The following NUDT12 variants were observed in gnomAD, a reference collection of about 807,000 sequenced individuals.
NUDT12 encodes NAD-capped RNA hydrolase NUDT12.
A neutral mutation model predicts 45.7 loss-of-function variants in NUDT12; 42 were observed. That is an observed-to-expected ratio of 0.92 (90% CI 0.72 to 1.19). The LOEUF is 1.19. Among genes scored for constraint, NUDT12 ranks in the 50% most tolerant of loss-of-function variants. NUDT12 has a pLI of 0.00. For missense variants in NUDT12, 590 were observed against 533.1 expected, an observed-to-expected ratio of 1.11 and a Z score of -1.05; for synonymous variants, 206 against 179.7, an observed-to-expected ratio of 1.15 and a Z score of -1.17.
chr5:103,552,174 C>A, intron 6 of NUDT12, 43 bp downstream of exon 6: 1 of 1,520,756 alleles, frequency 6.6e-7, no homozygotes, highest in South Asian at 1.1e-5. Context: ...CCAATACAGT[C>A]AGGGAACAAT....
intron 5 of NUDT12, chr5:103,554,382 G>C (rs756635106): frequency 6.4e-6 from 1 of 156,616 alleles, no homozygotes; most frequent in Non-Finnish European, 1.4e-5. Flanking sequence ...GGGTATGGGG[G>C]CTAACTAATG....
At chr5:103,556,190 G>T in intron 3 of NUDT12, 92 bp from the exon 4 acceptor site, 3 of 845,668 alleles carry the variant, frequency 3.5e-6, no homozygotes, top group Non-Finnish European at 4.9e-6. Flanking sequence ...AATAAGAATA[G>T]CTGTGTGATC....
chr5:103,556,136 T>A, intron 3 of NUDT12, 38 bp from the exon 4 acceptor site: 5 of 1,455,892 alleles, frequency 3.4e-6, no homozygotes, highest in Non-Finnish European at 4.6e-6. Context: ...TTTAATTCTG[T>A]AAGAAATTAA....
chr5:103,558,387 G>A (rs1562619807), intron 3 of NUDT12, among the ~76,000 whole-genome samples: 1 of 151,990 alleles, frequency 6.6e-6, no homozygotes, highest in African/African-American at 2.4e-5. Context: ...CTCTTAACAA[G>A]ACTCCCAACT....
At chr5:103,558,375 C>T (rs1748902429) in intron 3 of NUDT12, among the ~76,000 whole-genome samples, 1 of 152,048 alleles carries the variant, frequency 6.6e-6, no homozygotes, top group African/African-American at 2.4e-5. Context: ...ATACTCAATT[C>T]CCTCTTAACA....
At chr5:103,559,869 A>G in intron 2 of NUDT12, 174 bp downstream of exon 2, 1 of 560,078 alleles carries the variant, frequency 1.8e-6, no homozygotes, top group Non-Finnish European at 3.1e-6. Flanking sequence ...TCAATGAAAA[A>G]GGTTACAAAG....
chr5:103,552,761 C>T (rs536082059), intron 5 of NUDT12, among the ~76,000 whole-genome samples: 14 of 152,100 alleles, frequency 9.2e-5, no homozygotes, highest in African/African-American at 2.2e-4. Context: ...ATATTGTCCA[C>T]GAAATAGTTA....
At chr5:103,551,792 T>C (rs927562943) in intron 6 of NUDT12, among the ~76,000 whole-genome samples, 28 of 152,192 alleles carry the variant, frequency 1.8e-4, no homozygotes, top group African/African-American at 6.5e-4. Context: ...CTTAAGTACA[T>C]TTTAAAATGA....
At chr5:103,555,877 A>T (rs946498822) in intron 4 of NUDT12, 54 bp downstream of exon 4, 2 of 1,350,670 alleles carry the variant, frequency 1.5e-6, no homozygotes, top group African/African-American at 3.0e-5. Context: ...TCTCTTTCCA[A>T]AATATCTTAT....
chr5:103,551,666 G>A (rs1388407160), intron 6 of NUDT12, among the ~76,000 whole-genome samples: 1 of 152,090 alleles, frequency 6.6e-6, no homozygotes, highest in Non-Finnish European at 1.5e-5. Flanking sequence ...TGCAGGCAAA[G>A]TCAGAAAGAA....
rs144680373 is a variant in NUDT12, at chr5:103,556,232, G to A, written c.797-134C>T. 36 of 519,372 alleles carry A rather than the reference G, an allele frequency of 6.9e-5. No homozygotes were observed. The Admixed American group carries it at 1.2e-3, about 18-fold the overall frequency. The allele number at this position is 519,372 out of a possible 1,614,324, so 32.2% of individuals were successfully genotyped here. A position where few individuals can be genotyped will look rare whatever the true frequency, so the allele number is the denominator to read the frequency against. On this transcript the variant is annotated intron_variant, in intron 3 of 6. Transcript: ENST00000230792. ...TTTAGTATTTCTATTTTTATAATGC[G>A]TATTCTTCTTTTAAAGTAAAAGATT...
chr5:103,552,522 GCAAATAAT>G (rs1748688619), intron 5 of NUDT12, 106 bp from the exon 6 acceptor site: 1 of 804,274 alleles, frequency 1.2e-6, no homozygotes, highest in African/African-American at 1.7e-5. Context: ...GAAACCCAAT[GCAAATAAT>G]CAGAAAGCAG....
rs1317735690 is a variant in NUDT12, at chr5:103,555,993, A to C, written c.902T>G (p.Leu301Ter). The C allele has an allele frequency of 1.9e-6, 3 of 1,611,060 alleles. No individual in the cohort carries two copies. The highest frequency in any genetic ancestry group is 1.7e-6 in the Non-Finnish European group (2 of 1,178,218). The change falls in exon 4 of 7, where the codon TTA becomes TGA. Residue 301 changes from leucine (L) to a stop codon, truncating the protein, a stop_gained. Transcript: ENST00000230792. LOFTEE classifies it high-confidence loss of function. Reference sequence around the variant, plus strand: ...ACTAGGACAGTCTTCTTTTAAACATAATCTCTTATAGCCACCTTCTTCAAT... The same window carrying C: ...ACTAGGACAGTCTTCTTTTAAACATCATCTCTTATAGCCACCTTCTTCAAT... ...TKIEEGGYKRLCLKEDCPSLN... is the reference protein window; with the variant it reads ...TKIEEGGYKR
At chr5:103,559,614 GT>G in intron 2 of NUDT12, 146 bp from the exon 3 acceptor site, 1 of 473,438 alleles carries the variant, frequency 2.1e-6, no homozygotes, top group Non-Finnish European at 3.6e-6. Flanking sequence ...TTGTTACATA[GT>G]TTACTATTGG....
rs534215663 is a variant in NUDT12 at position 103,554,895 on chromosome 5, C to T, written c.965-42G>A. 8.8e-5 allele frequency: 67 copies of T among 757,984 alleles called. 1 individual carries two copies. The South Asian group carries it at 1.1e-3, about 12-fold the overall frequency. 47.0% of individuals were successfully genotyped at this position (757,984 alleles called of 1,614,324 possible). A position where few individuals can be genotyped will look rare whatever the true frequency, so the allele number is the denominator to read the frequency against. On this transcript the variant is annotated intron_variant, in intron 4 of 6. Transcript: ENST00000230792. The stretch of plus-strand genomic sequence containing the variant: ...TCAGATACATGAATGGCAGGAAAAA[C>T]GAATTTAGATTCATTGTACAAACAC...
Position 103,557,946 on chromosome 5 carries a change from T to C in NUDT12, c.796+933A>G, listed in dbSNP as rs193107087. On this transcript the variant is annotated intron_variant, in intron 3 of 6. Coordinates refer to ENST00000230792, the MANE Select transcript of NUDT12 (RefSeq NM_031438.4). Reference sequence around the variant, plus strand: ...TAATGTCCATTTCTAAAACTTAGTATGCCCAAAAGTAAACTCTTGATTTTT... The same window carrying C: ...TAATGTCCATTTCTAAAACTTAGTACGCCCAAAAGTAAACTCTTGATTTTT... 4.8e-3 allele frequency among the ~76,000 whole-genome samples: 723 copies of C among 152,162 alleles called. 7 individuals are homozygous for C. Among genetic ancestry groups the C allele is most frequent in the African/African-American group, 0.016 (670 of 41,522 alleles).
intron 3 of NUDT12, 135 bp downstream of exon 3, chr5:103,558,743 AG>A: frequency 1.7e-6 from 1 of 605,976 alleles, no homozygotes; most frequent in Admixed American, 3.3e-5. Context: ...GAGAACTTTA[AG>A]AAGTTTCTGA....
Position 103,562,737 on chromosome 5 carries a change from A to G in NUDT12, c.-41T>C, listed in dbSNP as rs1749078587. 7.2e-6 allele frequency: 1 copy of G among 138,098 alleles called. No individual in the cohort carries two copies. The highest frequency in any genetic ancestry group is 1.6e-5 in the Non-Finnish European group (1 of 63,598). The allele number at this position is 138,098 out of a possible 1,614,324, so 8.6% of individuals were successfully genotyped here. On this transcript the variant is annotated 5_prime_UTR_variant, in exon 1 of 7. Transcript: ENST00000230792. ...ACCACAGTAGAGGCAACCAGGATGC[A>G]GTCCAAAGATTGGGATATCCCACTC...
In NUDT12 at chr5:103,554,784, A is replaced by T. The variant is rs1367408637; in HGVS notation, c.1034T>A (p.Phe345Tyr). ...AAGGCAAGTAAACATGCCTGGGGGA[A>T]ATCTTTTCTGCCTGCCTAAAAGGCA... ...TKCLLGRQKR[F>Y]PPGMFTCLAG... The change falls in exon 5 of 7, where the codon TTT (phenylalanine) becomes TAT (tyrosine). Residue 345 changes from phenylalanine (F) to tyrosine (Y), a missense_variant. Coordinates refer to ENST00000230792, the MANE Select transcript of NUDT12 (RefSeq NM_031438.4). 6.4e-7 allele frequency: 1 copy of T among 1,559,176 alleles called. No homozygotes were observed. The highest frequency in any genetic ancestry group is 1.2e-5 in the South Asian group (1 of 83,782).
Sources: allele counts gnomAD v4.1 joint callset (sites outside exome capture counted in the v4.1 genomes callset), GRCh38; gene constraint gnomAD v4.1.1; transcripts MANE v1.5; gene names NCBI Gene and HGNC (gene_info 2026-07-23, HGNC 2026-07-21).